CENPI: variants seen among roughly 807,000 people sequenced by gnomAD.
The protein encoded by CENPI is FSH primary response 1.
In CENPI, 4 loss-of-function variants were observed where a neutral mutation model predicts 60.4. The ratio of observed to expected loss-of-function variants is 0.07; its 90% confidence interval spans 0.03 to 0.15. The LOEUF (loss-of-function observed/expected upper bound fraction) is 0.15, where lower values mean the gene tolerates loss of function less well. Ranked by LOEUF, CENPI falls within the 10% of genes least tolerant of loss-of-function variation. The pLI is 1.00. For synonymous variants in CENPI, 157 were observed against 189.4 expected (o/e 0.83, Z 1.40); for missense variants, 444 against 534.5 (o/e 0.83, Z 1.67).
In CENPI at chrX:101,165,691, T is replaced by C. The variant is rs753273501; in HGVS notation, c.*2724T>C. On this transcript the variant is annotated 3_prime_UTR_variant, in exon 22 of 22. Transcript: ENST00000682095. ...GACAGAGACCTAAGGTATGCCAGCATTGAGAAGTAGAGGAGAAGAGGAACC... is the reference window on the plus strand; with the variant it reads ...GACAGAGACCTAAGGTATGCCAGCACTGAGAAGTAGAGGAGAAGAGGAACC... Among the ~76,000 whole-genome samples, 5 of 110,493 alleles carry C rather than the reference T, an allele frequency of 4.5e-5. No individual in the cohort carries two copies. In the East Asian group the frequency reaches 1.4e-3, roughly 31 times the overall value.
rs140311229 is a variant in CENPI, at chrX:101,100,218, G to C, written c.-13-840G>C. ...GTGCTTGGCAAATAGATGACATTTA[G>C]TAATTATTTATTAAGTGAATAAATG... On this transcript the variant is annotated intron_variant, in intron 2 of 21. Transcript: ENST00000682095. Among the ~76,000 whole-genome samples, 537 of 111,483 alleles carry C rather than the reference G, an allele frequency of 4.8e-3. 5 individuals are homozygous for C. Among genetic ancestry groups the C allele is most frequent in the African/African-American group, 0.016 (491 of 30,709 alleles).
intron 15 of CENPI, among the ~76,000 whole-genome samples, chrX:101,136,914 TTCTC>T (rs1448081512): frequency 9.0e-6 from 1 of 111,703 alleles, no homozygotes; most frequent in African/African-American, 3.3e-5. Context: ...TTATTATTAT[TTCTC>T]TCTCTTTTTT....
chrX:101,149,569 C>T (rs949863068), intron 20 of CENPI, among the ~76,000 whole-genome samples: 19 of 104,947 alleles, frequency 1.8e-4, no homozygotes, highest in East Asian at 6.0e-4. Context: ...TGCAGTGGTG[C>T]GATCTTGGCT....
chrX:101,159,941 G>C (rs1367644028), intron 20 of CENPI, among the ~76,000 whole-genome samples: 1 of 112,692 alleles, frequency 8.9e-6, no homozygotes, highest in South Asian at 3.6e-4. Flanking sequence ...AGAAAAAAAT[G>C]TAAGTAGTCA....
chrX:101,157,870 C>G (rs951840733), intron 20 of CENPI, among the ~76,000 whole-genome samples: 2 of 110,366 alleles, frequency 1.8e-5, no homozygotes, highest in African/African-American at 3.3e-5. Flanking sequence ...TATAGTCACA[C>G]TACTGTGATA....
chrX:101,166,801 C>T (rs1254448307), downstream of CENPI, among the ~76,000 whole-genome samples: 1 of 112,471 alleles, frequency 8.9e-6, no homozygotes, highest in Non-Finnish European at 1.9e-5. Flanking sequence ...TACTCTGTTG[C>T]CAGGCTGGAG....
Position 101,132,394 on chromosome X carries a change from G to C in CENPI, c.1408G>C (p.Val470Leu). ...SWIPFSSFSEVKPLLFDHLAQ... is the reference protein window; with the variant it reads ...SWIPFSSFSELKPLLFDHLAQ... ...ATAATCTTTTTTTTGATTCCTAGAG[G>C]TGAAACCACTTCTTTTTGACCATCT... The change falls in exon 15 of 22, where the codon GTG becomes CTG. Residue 470 changes from valine to leucine, a missense_variant and splice_region_variant. Val to Leu is a conservative substitution (Grantham distance 32). Transcript: ENST00000682095. The C allele has an allele frequency of 8.3e-7, 1 of 1,208,849 alleles. No individual in the cohort carries two copies. The highest frequency in any genetic ancestry group is 2.2e-5 in the Admixed American group (1 of 45,867).
intron 4 of CENPI, among the ~76,000 whole-genome samples, chrX:101,108,275 T>C (rs1230682733): frequency 9.0e-6 from 1 of 110,658 alleles, no homozygotes; most frequent in Non-Finnish European, 1.9e-5. Flanking sequence ...GGGGTCTCAC[T>C]ATATTGCCTA....
chrX:101,115,923 C>T (rs1277199247), intron 6 of CENPI, among the ~76,000 whole-genome samples: 4 of 111,092 alleles, frequency 3.6e-5, no homozygotes, highest in African/African-American at 1.3e-4. Context: ...CCTTTTGTGT[C>T]TGGCTTCTTT....
Position 101,163,245 on chromosome X carries a change from G to A in CENPI, c.*278G>A, listed in dbSNP as rs1172785423. The A allele has an allele frequency of 3.3e-5, 8 of 244,496 alleles. No homozygotes were observed. The highest frequency in any genetic ancestry group is 4.3e-5 in the Non-Finnish European group (6 of 140,534). The allele number at this position is 244,496 out of a possible 1,213,427, so 20.1% of individuals were successfully genotyped here. A position where few individuals can be genotyped will look rare whatever the true frequency, so the allele number is the denominator to read the frequency against. The stretch of plus-strand genomic sequence containing the variant: ...ATGTAAAAAGACACATCTGTTTTGT[G>A]GTAGGATTTTTTCACATTTTTGGGT... On this transcript the variant is annotated 3_prime_UTR_variant, in exon 22 of 22. Coordinates refer to ENST00000682095, the MANE Select transcript of CENPI (RefSeq NM_001386188.2).
chrX:101,139,143 A>T (rs189434665), intron 15 of CENPI, among the ~76,000 whole-genome samples: 1,472 of 84,085 alleles, frequency 0.018, 38 homozygotes, highest in African/African-American at 0.067. Context: ...GCCAGGCTGT[A>T]GTGCAGTGGC....
At chrX:101,173,640 C>G in the CENPI span, among the ~76,000 whole-genome samples, 1 of 110,736 alleles carries the variant, frequency 9.0e-6, no homozygotes, top group African/African-American at 3.3e-5. Flanking sequence ...CATAGAAATA[C>G]AAAAGATCCT....
chrX:101,181,856 T>C, the CENPI span, among the ~76,000 whole-genome samples: 580 of 112,694 alleles, frequency 5.1e-3, 4 homozygotes, highest in African/African-American at 0.017. Flanking sequence ...CCCTTTATTG[T>C]TCCTGAACTC....
intron 20 of CENPI, among the ~76,000 whole-genome samples, chrX:101,153,220 T>A (rs754893614): frequency 1.1e-4 from 12 of 111,582 alleles, no homozygotes; most frequent in Non-Finnish European, 2.1e-4. Context: ...TTATTGAACA[T>A]TTATATATTT....
rs2090128293 is a variant in CENPI, at chrX:101,163,490, G to A, written c.*523G>A. On this transcript the variant is annotated 3_prime_UTR_variant, in exon 22 of 22. Transcript: ENST00000682095. ...GGGCCTTCAATCATAGCAATTTGATGAGGGAAGGAAGGGGAGAGGATTTGT... is the reference window on the plus strand; with the variant it reads ...GGGCCTTCAATCATAGCAATTTGATAAGGGAAGGAAGGGGAGAGGATTTGT... The A allele has an allele frequency of 8.4e-6, 1 of 118,660 alleles. No homozygotes were observed. The highest frequency in any genetic ancestry group is 3.4e-4 in the South Asian group (1 of 2,913). The allele number at this position is 118,660 out of a possible 1,213,427, so 9.8% of individuals were successfully genotyped here.
intron 20 of CENPI, among the ~76,000 whole-genome samples, chrX:101,158,955 A>G (rs910733981): frequency 3.6e-5 from 4 of 110,706 alleles, no homozygotes; most frequent in African/African-American, 1.3e-4. Context: ...TGGCTTCTTT[A>G]TGGAGTATGG....
At chrX:101,158,716 C>T (rs1457785456) in intron 20 of CENPI, among the ~76,000 whole-genome samples, 3 of 110,108 alleles carry the variant, frequency 2.7e-5, no homozygotes, top group Middle Eastern at 4.3e-3. Flanking sequence ...CTGCAACCTC[C>T]GCCTTCCAGG....
At chrX:101,149,874 G>A (rs934386660) in intron 20 of CENPI, among the ~76,000 whole-genome samples, 8 of 110,113 alleles carry the variant, frequency 7.3e-5, no homozygotes, top group Admixed American at 3.0e-4. Flanking sequence ...AATAACTCTA[G>A]GGTGACATTC....
At chrX:101,127,726 TTTTG>T (rs1435948966) in intron 11 of CENPI, 61 bp downstream of exon 11, 31 of 947,743 alleles carry the variant, frequency 3.3e-5, no homozygotes, top group South Asian at 1.3e-4. Flanking sequence ...GCCTTTGTTT[TTTTG>T]TTTGTTTGTT....
Sources: gnomAD v4.1 joint callset for allele counts (sites outside exome capture counted in the v4.1 genomes callset) on GRCh38, gnomAD v4.1.1 for gene constraint, MANE v1.5 for transcripts, NCBI Gene and HGNC (gene_info 2026-07-23, HGNC 2026-07-21) for gene names.